Variants in SPATA20 observed in about 807,000 individuals in gnomAD.
SPATA20 encodes spermatogenesis-associated protein 20.
Under a neutral mutation model 98.9 loss-of-function variants are expected in SPATA20, and 74 were observed. That is an observed-to-expected ratio of 0.75 (90% CI 0.62 to 0.91). The LOEUF (loss-of-function observed/expected upper bound fraction) is 0.91, where lower values mean the gene tolerates loss of function less well. SPATA20 is among the 40% of genes least tolerant of loss of function. SPATA20 has a pLI of 0.00. For synonymous variants in SPATA20, 430 were observed against 440.5 expected, an observed-to-expected ratio of 0.98 and a Z score of 0.30; for missense variants, 1,016 against 1,069.8, an observed-to-expected ratio of 0.95 and a Z score of 0.70.
At chr17:50,553,255 C>T (rs2035043850) in intron 14 of SPATA20, among the ~76,000 whole-genome samples, 1 of 152,198 alleles carries the variant, frequency 6.6e-6, no homozygotes, top group African/African-American at 2.4e-5. Context: ...GGTTCTGGCA[C>T]ATTGTAAGTG....
chr17:50,550,334 G>A (rs1342598214), intron 9 of SPATA20, 22 bp downstream of exon 9: 4 of 1,549,526 alleles, frequency 2.6e-6, no homozygotes, highest in Admixed American at 3.5e-5. Flanking sequence ...CCCCAGCCCA[G>A]AGAACAGGCA....
In SPATA20 at chr17:50,551,028, GTGC is replaced by G. The variant is rs1223092018; in HGVS notation, c.1417_1419del (p.Leu473del). ...CAAGGGGGAGCTGCAGGGCCAGAAT[GTGC>G]TGACCGTCCGGTACTCGCTGGAGCT... On this transcript the variant is annotated inframe_deletion, in exon 12 of 17. Transcript: ENST00000006658. 6.2e-7 allele frequency: 1 copy of G among 1,613,416 alleles called. No individual in the cohort carries two copies. The highest frequency in any genetic ancestry group is 1.1e-5 in the South Asian group (1 of 91,086).
chr17:50,550,841 C>G lies in SPATA20; in HGVS notation c.1307C>G (p.Thr436Ser). ...QLLPEPVLGA[T>S]EPLTSGQLLM... is the part of the protein sequence containing the mutation. ...CTCCCGGAGCCTGTGTTGGGTGCCA[C>G]CGAGCCGCTGACCTCAGGCCAGCTC... The change falls in exon 11 of 17, where the codon ACC becomes AGC. Residue 436 changes from threonine (T) to serine (S), a missense_variant. Coordinates refer to ENST00000006658, the MANE Select transcript of SPATA20 (RefSeq NM_022827.4). The G allele has an allele frequency of 2.5e-6, 4 of 1,612,996 alleles. No individual in the cohort carries two copies. Among genetic ancestry groups the G allele is most frequent in the Non-Finnish European group, 3.4e-6 (4 of 1,180,026 alleles).
At position 50,548,601 on chromosome 17, in the gene SPATA20, A is replaced by T; in HGVS notation, c.344A>T (p.Lys115Met). 6.2e-7 allele frequency: 1 copy of T among 1,613,438 alleles called. No homozygotes were observed. Among genetic ancestry groups the T allele is most frequent in the Non-Finnish European group, 8.5e-7 (1 of 1,179,854 alleles). ...TTCGACAAGGCCAGGAAGGAAAACAAGCCGATTTTCCTCTCAGGTAATGCT... is the reference window on the plus strand; with the variant it reads ...TTCGACAAGGCCAGGAAGGAAAACATGCCGATTTTCCTCTCAGGTAATGCT... ...EAFDKARKEN[K>M]PIFLSVGYST... The change falls in exon 4 of 17, where the codon AAG (lysine) becomes ATG (methionine). Residue 115 changes from lysine to methionine, a missense_variant. By Grantham distance (95) the Lys-to-Met change is moderately conservative (BLOSUM62 -1). Coordinates refer to ENST00000006658, the MANE Select transcript of SPATA20 (RefSeq NM_022827.4).
intron 7 of SPATA20, 135 bp downstream of exon 7, chr17:50,549,622 G>A: frequency 1.1e-6 from 1 of 892,086 alleles, no homozygotes; most frequent in South Asian, 1.7e-5. Context: ...CCCCTAGCCT[G>A]TCGGTAGCTA....
rs748666868 is a variant in SPATA20, at chr17:50,550,525, C to A, written c.1099-11C>A. On this transcript the variant is annotated splice_polypyrimidine_tract_variant and intron_variant, in intron 9 of 16. Coordinates refer to ENST00000006658, the MANE Select transcript of SPATA20 (RefSeq NM_022827.4). ...CTCTCTGTTCACAGTCTCCTTTCTT[C>A]CCTTTCTTAGCTCTCTGGTGATGAA... The A allele has an allele frequency of 6.2e-7, 1 of 1,613,576 alleles. No homozygotes were observed. The highest frequency in any genetic ancestry group is 8.5e-7 in the Non-Finnish European group (1 of 1,179,496).
chr17:50,548,572 A>G lies in SPATA20; in HGVS notation c.315A>G (p.Glu105=). 1 of 1,613,658 alleles carries G rather than the reference A, an allele frequency of 6.2e-7. No individual in the cohort carries two copies. The highest frequency in any genetic ancestry group is 8.5e-7 in the Non-Finnish European group (1 of 1,179,866). ...GGTCTAGGTACCCCTGGGGACAGGA[A>G]GCCTTCGACAAGGCCAGGAAGGAAA... ...NPVDWYPWGQ[E]AFDKARKENK... The change falls in exon 4 of 17, where the codon GAA becomes GAG. Residue 105 remains glutamate (E), a synonymous_variant. Transcript: ENST00000006658.
In SPATA20 at chr17:50,551,563, G is replaced by T. The variant is rs747499349; in HGVS notation, c.1629G>T (p.Arg543Ser). 2 of 1,606,394 alleles carry T rather than the reference G, an allele frequency of 1.2e-6. No homozygotes were observed. Among genetic ancestry groups the T allele is most frequent in the Non-Finnish European group, 1.7e-6 (2 of 1,173,708 alleles). Residue 543 changes from arginine (R) to serine (S), a missense_variant, in exon 13 of 17, where the codon AGG becomes AGT. Physicochemically the swap from Arg to Ser is moderately radical, Grantham distance 110. Coordinates refer to ENST00000006658, the MANE Select transcript of SPATA20 (RefSeq NM_022827.4). ...AVTGAVLGQD[R>S]LINYATNGAK... ...CTGGGGCTGTCCTGGGCCAAGACAG[G>T]CTGATCAACTATGCCACCAATGGTG...
At chr17:50,547,338 C>T (rs2034930188) in intron 1 of SPATA20, 53 bp downstream of exon 1, 1 of 1,367,212 alleles carries the variant, frequency 7.3e-7, no homozygotes, top group African/African-American at 1.5e-5. Context: ...GCCTGCGGGC[C>T]CAGTGGAGGG....
intron 14 of SPATA20, among the ~76,000 whole-genome samples, chr17:50,552,589 G>T: frequency 7.3e-6 from 1 of 137,018 alleles, no homozygotes; most frequent in Non-Finnish European, 1.5e-5. Context: ...TTTGAGACAG[G>T]GTCTCACTGT....
intron 2 of SPATA20, chr17:50,548,029 C>G: frequency 6.8e-7 from 1 of 1,473,536 alleles, no homozygotes; most frequent in Non-Finnish European, 8.9e-7. Flanking sequence ...CACAGCCATC[C>G]TTCCCACCGC....
At position 50,552,065 on chromosome 17, in the gene SPATA20, G is replaced by T; in HGVS notation, c.1842G>T (p.Glu614Asp). Residue 614 changes from glutamate to aspartate, a missense_variant, in exon 14 of 17, where the codon GAG becomes GAT. Coordinates refer to ENST00000006658, the MANE Select transcript of SPATA20 (RefSeq NM_022827.4). ...YEASQESAWL[E>D]WALRLQDTQD... ...CCTCACAGGAGAGTGCGTGGCTCGA[G>T]TGGGCTCTGCGGCTGCAGGACACAC... 1 of 1,613,936 alleles carries T rather than the reference G, an allele frequency of 6.2e-7. No homozygotes were observed. The highest frequency in any genetic ancestry group is 8.5e-7 in the Non-Finnish European group (1 of 1,179,986).
At chr17:50,550,648 A>G (rs1376888729) in intron 10 of SPATA20, 38 bp downstream of exon 10, 1 of 1,612,676 alleles carries the variant, frequency 6.2e-7, no homozygotes, top group Non-Finnish European at 8.5e-7. Context: ...TGGCTGTGGG[A>G]GGGGTTGGGG....
chr17:50,550,506 G>A, intron 9 of SPATA20, 30 bp from the exon 10 acceptor site: 3 of 1,596,566 alleles, frequency 1.9e-6, no homozygotes, highest in Non-Finnish European at 2.6e-6. Context: ...TGACCTCTCT[G>A]TTCACAGTCT....
intron 15 of SPATA20, among the ~76,000 whole-genome samples, 179 bp downstream of exon 15, chr17:50,554,629 A>T: frequency 6.6e-6 from 1 of 152,092 alleles, no homozygotes; most frequent in East Asian, 1.9e-4. Flanking sequence ...GTGGTGGCTG[A>T]TGAAGTGTTT....
rs2034991528 is a variant in SPATA20, at chr17:50,550,338, ACAGGCAT to A, written c.1098+28_1098+34del. Reference sequence around the variant, plus strand: ...GTGACCCCTGACCCCAGCCCAGAGAACAGGCATCTCACTCTGGCTGCCCCTCCCAAGG... The same window carrying A: ...GTGACCCCTGACCCCAGCCCAGAGAACTCACTCTGGCTGCCCCTCCCAAGG... On this transcript the variant is annotated intron_variant, in intron 9 of 16. Transcript: ENST00000006658. 7 of 1,537,266 alleles carry A rather than the reference ACAGGCAT, an allele frequency of 4.6e-6. No individual in the cohort carries two copies. The East Asian group carries it at 1.6e-4, about 35-fold the overall frequency.
intron 14 of SPATA20, among the ~76,000 whole-genome samples, chr17:50,552,547 C>A (rs891826018): frequency 7.6e-5 from 11 of 145,278 alleles, no homozygotes; most frequent in Non-Finnish European, 1.7e-4. Context: ...TCTTTCTTTT[C>A]TTTCTCTCTT....
intron 12 of SPATA20, 95 bp from the exon 13 acceptor site, chr17:50,551,416 G>A: frequency 7.1e-7 from 1 of 1,406,790 alleles, no homozygotes; most frequent in Non-Finnish European, 9.7e-7. Context: ...ATCACCCATG[G>A]CTCCAGGGAG....
chr17:50,551,039 C>A lies in SPATA20; in HGVS notation c.1425C>A (p.Val475=). ...GELQGQNVLT[V]RYSLELTAAR... ...TGCAGGGCCAGAATGTGCTGACCGTCCGGTACTCGCTGGAGCTGACTGCTG... is the reference window on the plus strand; with the variant it reads ...TGCAGGGCCAGAATGTGCTGACCGTACGGTACTCGCTGGAGCTGACTGCTG... The change falls in exon 12 of 17, where the codon GTC becomes GTA. Residue 475 remains valine, a synonymous_variant. Transcript: ENST00000006658. The A allele has an allele frequency of 6.2e-7, 1 of 1,613,434 alleles. No individual in the cohort carries two copies. The highest frequency in any genetic ancestry group is 1.3e-5 in the African/African-American group (1 of 75,062).
Sources: allele counts gnomAD v4.1 joint callset (sites outside exome capture counted in the v4.1 genomes callset), GRCh38; gene constraint gnomAD v4.1.1; transcripts MANE v1.5; gene names NCBI Gene and HGNC (gene_info 2026-07-23, HGNC 2026-07-21).